The following LHFPL3 variants were observed in gnomAD, a reference collection of about 807,000 sequenced individuals.
The protein encoded by LHFPL3 is LHFPL tetraspan subfamily member 3, also known as LHFPL tetraspan subfamily member 3 protein.
A neutral mutation model predicts 19.3 loss-of-function variants in LHFPL3; 5 were observed. The observed-to-expected ratio is 0.26, with a 90% CI of 0.14 to 0.54. The LOEUF (loss-of-function observed/expected upper bound fraction) is 0.54, where lower values mean the gene tolerates loss of function less well. Ranked by LOEUF, LHFPL3 falls within the 20% of genes least tolerant of loss-of-function variation. The probability of loss-of-function intolerance (pLI) is 0.94; values close to 1 mark genes in which losing one functional copy is unlikely to be tolerated. For missense variants in LHFPL3, 249 were observed against 307.4 expected (o/e 0.81, Z 1.42); for synonymous variants, 133 against 126.2 (o/e 1.05, Z -0.36).
chr7:104,592,800 A>G (rs1790754574), intron 1 of LHFPL3, among the ~76,000 whole-genome samples: 1 of 152,060 alleles, frequency 6.6e-6, no homozygotes, highest in Non-Finnish European at 1.5e-5. Flanking sequence ...AGCCTCAGCA[A>G]TGGTGGATGC....
At chr7:104,642,034 CTTTTTTTTTTTT>C (rs10583452) in intron 1 of LHFPL3, among the ~76,000 whole-genome samples, 1 of 111,964 alleles carries the variant, frequency 8.9e-6, no homozygotes, top group Non-Finnish European at 1.8e-5. Flanking sequence ...TATGTTATTA[CTTTTTTTTTTTT>C]TTTTTTTTTT....
At chr7:104,538,977 C>T (rs1337682834) in intron 1 of LHFPL3, among the ~76,000 whole-genome samples, 2 of 152,126 alleles carry the variant, frequency 1.3e-5, no homozygotes, top group East Asian at 3.8e-4. Context: ...CAGACAGTTG[C>T]AACATTACTG....
chr7:104,756,453 A>G (rs1794286975), intron 2 of LHFPL3, among the ~76,000 whole-genome samples: 1 of 152,110 alleles, frequency 6.6e-6, no homozygotes, highest in Non-Finnish European at 1.5e-5. Flanking sequence ...TACTTAAACA[A>G]TCTGAAATGT....
chr7:104,479,514 C>A (rs544683452), intron 1 of LHFPL3, among the ~76,000 whole-genome samples: 2 of 152,206 alleles, frequency 1.3e-5, no homozygotes, highest in African/African-American at 4.8e-5. Flanking sequence ...GCCTCAGCCT[C>A]CTGAGTAGCT....
intron 1 of LHFPL3, among the ~76,000 whole-genome samples, chr7:104,472,862 A>T (rs1792938092): frequency 6.6e-6 from 1 of 152,212 alleles, no homozygotes; most frequent in South Asian, 2.1e-4. Context: ...CTTGTTTAGA[A>T]ATGCAATTTT....
At chr7:104,474,427 G>A (rs1343647741) in intron 1 of LHFPL3, among the ~76,000 whole-genome samples, 1 of 151,990 alleles carries the variant, frequency 6.6e-6, no homozygotes, top group Admixed American at 6.6e-5. Context: ...CACTTTGGGA[G>A]GTCGAGGCAG....
chr7:104,512,631 G>A lies in LHFPL3; in HGVS notation c.445+183407G>A, dbSNP rs528631885. On this transcript the variant is annotated intron_variant, in intron 1 of 2. Transcript: ENST00000424859. ...GAAGCTTATAATCCCAGCTACTCGG[G>A]AGGCTGAGGCAGGAGAATCACTTGA... 1.3e-3 allele frequency among the ~76,000 whole-genome samples: 205 copies of A among 152,246 alleles called. 2 individuals are homozygous for A. Among genetic ancestry groups the A allele is most frequent in the African/African-American group, 4.7e-3 (195 of 41,542 alleles).
chr7:104,460,810 A>C (rs1240347784), intron 1 of LHFPL3, among the ~76,000 whole-genome samples: 2 of 152,026 alleles, frequency 1.3e-5, no homozygotes, highest in Non-Finnish European at 2.9e-5. Flanking sequence ...TACTCTGTTG[A>C]TAGTTTCTTT....
intron 2 of LHFPL3, among the ~76,000 whole-genome samples, chr7:104,853,769 A>C (rs1210596239): frequency 6.6e-6 from 1 of 152,178 alleles, no homozygotes; most frequent in Non-Finnish European, 1.5e-5. Flanking sequence ...GGATCTGCAA[A>C]TTATGTAGCT....
intron 2 of LHFPL3, among the ~76,000 whole-genome samples, chr7:104,789,433 A>AT (rs1789981345): frequency 1.3e-5 from 2 of 152,264 alleles, no homozygotes; most frequent in African/African-American, 4.8e-5. Context: ...TTTTAACTGG[A>AT]TTGGATTTCT....
At chr7:104,691,466 A>G (rs538699501) in intron 1 of LHFPL3, among the ~76,000 whole-genome samples, 2 of 152,300 alleles carry the variant, frequency 1.3e-5, no homozygotes, top group African/African-American at 4.8e-5. Context: ...AAGCACTACA[A>G]CCCCTGTCTA....
chr7:104,621,824 A>C (rs1791451350), intron 1 of LHFPL3, among the ~76,000 whole-genome samples: 1 of 152,064 alleles, frequency 6.6e-6, no homozygotes, highest in African/African-American at 2.4e-5. Flanking sequence ...AGCTTGTAAA[A>C]CCTTAACTTT....
intron 1 of LHFPL3, among the ~76,000 whole-genome samples, chr7:104,700,628 A>G (rs969924980): frequency 7.2e-5 from 11 of 152,182 alleles, no homozygotes; most frequent in African/African-American, 2.4e-4. Flanking sequence ...TGGGCTGCAT[A>G]ATATATTTGC....
chr7:104,662,898 G>A (rs1792258920), intron 1 of LHFPL3, among the ~76,000 whole-genome samples: 1 of 152,134 alleles, frequency 6.6e-6, no homozygotes, highest in Non-Finnish European at 1.5e-5. Flanking sequence ...ACACTCTTTA[G>A]ACATTTTAAA....
chr7:104,476,529 C>T (rs773261950), intron 1 of LHFPL3, among the ~76,000 whole-genome samples: 20 of 151,706 alleles, frequency 1.3e-4, no homozygotes, highest in Non-Finnish European at 2.2e-4. Flanking sequence ...GGCACGATCT[C>T]GGCTCACTGC....
At chr7:104,691,748 T>A (rs545836538) in intron 1 of LHFPL3, among the ~76,000 whole-genome samples, 2 of 152,350 alleles carry the variant, frequency 1.3e-5, no homozygotes, top group Admixed American at 1.3e-4. Context: ...CCCATGTGAG[T>A]GCCTCACCAA....
chr7:104,699,846 G>A (rs1052892103), intron 1 of LHFPL3, among the ~76,000 whole-genome samples: 5 of 152,152 alleles, frequency 3.3e-5, no homozygotes, highest in African/African-American at 1.2e-4. Context: ...TTGACCTCAG[G>A]AAGCTCCGTC....
intron 1 of LHFPL3, among the ~76,000 whole-genome samples, chr7:104,478,681 T>G (rs1255402056): frequency 3.3e-5 from 5 of 152,220 alleles, no homozygotes; most frequent in Non-Finnish European, 7.3e-5. Flanking sequence ...ATCTTAAATC[T>G]CTTTCTTAGG....
At position 104,703,679 on chromosome 7, in the gene LHFPL3, T is replaced by C. The variant is rs867825811; in HGVS notation, c.446-32996T>C. Among the ~76,000 whole-genome samples, 5 of 152,368 alleles carry C rather than the reference T, an allele frequency of 3.3e-5. No homozygotes were observed. The South Asian group carries it at 1.0e-3, about 32-fold the overall frequency. ...CATTTTGTCTAACTGAATATGACAA[T>C]GTATTTTGATAGGGAAATTCAACCT... On this transcript the variant is annotated intron_variant, in intron 1 of 2. Transcript: ENST00000424859.
Sources: allele counts gnomAD v4.1 joint callset (sites outside exome capture counted in the v4.1 genomes callset), GRCh38; gene constraint gnomAD v4.1.1; transcripts MANE v1.5; gene names NCBI Gene and HGNC (gene_info 2026-07-23, HGNC 2026-07-21).